The following TACC1 variants were observed in gnomAD, a reference collection of about 807,000 sequenced individuals.
TACC1 encodes the protein transforming acidic coiled-coil-containing protein 1.
In TACC1, 48 loss-of-function variants were observed where a neutral mutation model predicts 84.4. That is an observed-to-expected ratio of 0.57 (90% CI 0.45 to 0.72). TACC1 has a LOEUF of 0.72. Among genes scored for constraint, TACC1 ranks in the 30% least tolerant of loss-of-function variants. The pLI is 0.00. For missense variants in TACC1, 920 were observed against 973.0 expected, an observed-to-expected ratio of 0.95 and a Z score of 0.72; for synonymous variants, 372 against 376.3, an observed-to-expected ratio of 0.99 and a Z score of 0.13.
chr8:38,749,919 T>C (rs548948390), intron 3 of TACC1, among the ~76,000 whole-genome samples: 5 of 152,306 alleles, frequency 3.3e-5, no homozygotes, highest in African/African-American at 1.2e-4. Flanking sequence ...AGCTGACAGT[T>C]AATCAATGTA....
At chr8:38,792,179 C>G (rs1216350159) in intron 2 of TACC1, among the ~76,000 whole-genome samples, 2 of 152,220 alleles carry the variant, frequency 1.3e-5, no homozygotes, top group Non-Finnish European at 2.9e-5. Flanking sequence ...TCTGTTTTCT[C>G]CCACTAAAGT....
chr8:38,767,800 C>G (rs878912142), intron 3 of TACC1, among the ~76,000 whole-genome samples: 1 of 152,168 alleles, frequency 6.6e-6, no homozygotes, highest in Non-Finnish European at 1.5e-5. Context: ...CACAGTGGCT[C>G]ACGTCTGTAA....
At chr8:38,750,564 A>G (rs2151738877) in intron 3 of TACC1, among the ~76,000 whole-genome samples, 1 of 152,344 alleles carries the variant, frequency 6.6e-6, no homozygotes, top group East Asian at 1.9e-4. Context: ...AAACCCTAAG[A>G]AACCCACAAT....
At position 38,791,470 on chromosome 8, in the gene TACC1, C is replaced by T. The variant is rs565996954; in HGVS notation, c.277+2651C>T. ...CCCTGACTTCCAGGGTCCTTGGGTG[C>T]AACATCCGGAGCTAGTCCAGAGTAC... On this transcript the variant is annotated intron_variant, in intron 2 of 12. Coordinates refer to ENST00000317827, the MANE Select transcript of TACC1 (RefSeq NM_006283.3). Among the ~76,000 whole-genome samples the T allele has an allele frequency of 5.3e-5, 8 of 152,294 alleles. No individual in the cohort carries two copies. In the East Asian group the frequency reaches 1.5e-3, roughly 29 times the overall value.
At chr8:38,757,484 C>G (rs906056044) in intron 3 of TACC1, 1 of 1,092,422 alleles carries the variant, frequency 9.2e-7, no homozygotes, top group Non-Finnish European at 1.1e-6. Flanking sequence ...GCGCTGGGGC[C>G]CGTCCCAGAA....
chr8:38,768,661 G>A (rs1812767674), intron 3 of TACC1, among the ~76,000 whole-genome samples: 1 of 87,354 alleles, frequency 1.1e-5, no homozygotes, highest in Admixed American at 9.8e-5. Flanking sequence ...TGCTTGAGGA[G>A]TGTGTGTGTG....
chr8:38,806,448 CTGTGTGTGTGTGTA>C (rs912530032), intron 2 of TACC1, among the ~76,000 whole-genome samples: 1 of 149,864 alleles, frequency 6.7e-6, no homozygotes, highest in African/African-American at 2.5e-5. Context: ...CATGGTCTGC[CTGTGTGTGTGTGTA>C]TGTGTGTGTG....
intron 3 of TACC1, among the ~76,000 whole-genome samples, chr8:38,746,712 A>G (rs1304806475): frequency 2.6e-5 from 4 of 152,244 alleles, no homozygotes; most frequent in Non-Finnish European, 5.9e-5. Flanking sequence ...TTTCAGCTGT[A>G]GAATTTACAT....
intron 8 of TACC1, 111 bp from the exon 9 acceptor site, chr8:38,840,113 A>G (rs979399301): frequency 1.6e-6 from 1 of 622,344 alleles, no homozygotes; most frequent in Admixed American, 3.2e-5. Flanking sequence ...TAAATGGATT[A>G]CATACATTGT....
chr8:38,811,108 A>G (rs1480035625), intron 2 of TACC1, among the ~76,000 whole-genome samples: 1 of 151,956 alleles, frequency 6.6e-6, no homozygotes, highest in Non-Finnish European at 1.5e-5. Flanking sequence ...ACAGAGTGAG[A>G]CCCTGTCTCT....
rs550706272 is a variant in TACC1 at position 38,804,019 on chromosome 8, G to A, written c.277+15200G>A. ...TTTCTTGGAATTGATCTATTTTATC[G>A]AAATTGTCTAATTTGTTAGCTTACA... On this transcript the variant is annotated intron_variant, in intron 2 of 12. Transcript: ENST00000317827. Among the ~76,000 whole-genome samples the A allele has an allele frequency of 4.6e-5, 7 of 152,104 alleles. No homozygotes were observed. The South Asian group carries it at 6.2e-4, about 14-fold the overall frequency.
intron 1 of TACC1, among the ~76,000 whole-genome samples, chr8:38,739,386 G>T (rs1225695120): frequency 6.6e-6 from 1 of 152,146 alleles, no homozygotes; most frequent in Non-Finnish European, 1.5e-5. Context: ...CACATATAGT[G>T]GTATTAGAGT....
At chr8:38,767,589 G>C (rs990600279) in intron 3 of TACC1, among the ~76,000 whole-genome samples, 1 of 152,234 alleles carries the variant, frequency 6.6e-6, no homozygotes, top group African/African-American at 2.4e-5. Flanking sequence ...TCTCCTTCCT[G>C]CTTCTTGCCA....
At chr8:38,845,989 T>C (rs1832150857) in intron 11 of TACC1, among the ~76,000 whole-genome samples, 1 of 152,172 alleles carries the variant, frequency 6.6e-6, no homozygotes, top group African/African-American at 2.4e-5. Flanking sequence ...CTGACATTTA[T>C]GGTTTTTAAG....
Position 38,788,733 on chromosome 8 carries a change from C to T in TACC1, c.191C>T (p.Pro64Leu). Residue 64 changes from proline (P) to leucine (L), a missense_variant, in exon 2 of 13, where the codon CCT becomes CTT. This residue lies in a region of TACC1 where 762 missense variants were observed against 747.3 expected (regional missense o/e 1.02). Coordinates refer to ENST00000317827, the MANE Select transcript of TACC1 (RefSeq NM_006283.3). ...SSDSEGNFET[P>L]EAETPIRSPF... ...GATTCTGAAGGTAATTTTGAGACTC[C>T]TGAAGCTGAAACCCCGATCCGATCA... 1 of 1,613,968 alleles carries T rather than the reference C, an allele frequency of 6.2e-7. No homozygotes were observed.
Position 38,819,650 on chromosome 8 carries a change from A to G in TACC1, c.406A>G (p.Arg136Gly). Residue 136 changes from arginine to glycine, a missense_variant, in exon 3 of 13, where the codon AGA (arginine) becomes GGA (glycine). Physicochemically the swap from Arg to Gly is moderately radical, Grantham distance 125 (BLOSUM62 -2). This residue lies in a region of TACC1 where 762 missense variants were observed against 747.3 expected (regional missense o/e 1.02). Coordinates refer to ENST00000317827, the MANE Select transcript of TACC1 (RefSeq NM_006283.3). ...AIDSHSVKNF[R>G]EEPEHDFSKI... ...TGACTCTCACTCAGTCAAGAATTTCAGAGAAGAACCTGAACATGATTTTAG... is the reference window on the plus strand; with the variant it reads ...TGACTCTCACTCAGTCAAGAATTTCGGAGAAGAACCTGAACATGATTTTAG... 6.2e-7 allele frequency: 1 copy of G among 1,614,252 alleles called. No individual in the cohort carries two copies. Among genetic ancestry groups the G allele is most frequent in the Non-Finnish European group, 8.5e-7 (1 of 1,180,046 alleles).
intron 7 of TACC1, among the ~76,000 whole-genome samples, chr8:38,837,783 T>TA (rs1443429368): frequency 1.3e-5 from 2 of 152,178 alleles, no homozygotes; most frequent in Non-Finnish European, 2.9e-5. Context: ...GCCAGGGAAG[T>TA]ACAGTAAGAG....
At chr8:38,810,549 A>T (rs1823843597) in intron 2 of TACC1, among the ~76,000 whole-genome samples, 1 of 152,126 alleles carries the variant, frequency 6.6e-6, no homozygotes, top group South Asian at 2.1e-4. Context: ...GGCTGCAGTG[A>T]CCTACGAGTG....
At chr8:38,771,503 G>A (rs1813598837) in intron 3 of TACC1, among the ~76,000 whole-genome samples, 1 of 152,152 alleles carries the variant, frequency 6.6e-6, no homozygotes, top group African/African-American at 2.4e-5. Context: ...AATTGAAATT[G>A]CTGCTGATCA....
Sources: gnomAD v4.1 joint callset for allele counts (sites outside exome capture counted in the v4.1 genomes callset) on GRCh38, gnomAD v4.1.1 for gene constraint, gnomAD v4.1.1 regional missense constraint, MANE v1.5 for transcripts, NCBI Gene and HGNC (gene_info 2026-07-23, HGNC 2026-07-21) for gene names.